Variants in XAB2 observed in about 807,000 individuals in gnomAD.
The protein encoded by XAB2 is XPA binding protein 2.
Under a neutral mutation model 113.4 loss-of-function variants are expected in XAB2, and 57 were observed. The ratio of observed to expected loss-of-function variants is 0.50; its 90% CI spans 0.41 to 0.63. The LOEUF is 0.63. Among genes scored for constraint, XAB2 ranks in the 20% least tolerant of loss-of-function variants. The probability of loss-of-function intolerance (pLI) is 0.00; values close to 1 mark genes in which losing one functional copy is unlikely to be tolerated. For missense variants in XAB2, 1,037 were observed against 1,233.3 expected, an observed-to-expected ratio of 0.84 and a Z score of 2.38; for synonymous variants, 497 against 498.8, an observed-to-expected ratio of 1.00 and a Z score of 0.05.
rs576624435 is a variant in XAB2, at chr19:7,625,680, T to C, written c.822+200A>G. On this transcript the variant is annotated intron_variant, in intron 6 of 18. Coordinates refer to ENST00000358368, the MANE Select transcript of XAB2 (RefSeq NM_020196.3). This position sits in a 1 kb window ranked among gnomAD's most constrained non-coding sequence, Gnocchi z 5.2. The stretch of plus-strand genomic sequence containing the variant: ...TTTTAGTAGTGATGGGGTTTCACCA[T>C]GTTGGCCAGGCTGGTCTTGAACTGC... Among the ~76,000 whole-genome samples, 5 of 152,218 alleles carry C rather than the reference T, an allele frequency of 3.3e-5. No individual in the cohort carries two copies. The highest frequency in any genetic ancestry group is 3.9e-4 in the East Asian group (2 of 5,170).
chr19:7,626,244 G>A lies in XAB2; in HGVS notation c.549C>T (p.Tyr183=), dbSNP rs1365200417. The change falls in exon 5 of 19, where the codon TAC becomes TAT. Residue 183 remains tyrosine, a synonymous_variant. Coordinates refer to ENST00000358368, the MANE Select transcript of XAB2 (RefSeq NM_020196.3). ...GGTCACTTGACTTGAGGTACTCAAT[G>A]TACTCCTCTGCACTCTCAGGACTCA... The part of the protein sequence containing the change: ...LKLSPESAEE[Y]IEYLKSSDRL... 10 of 1,612,932 alleles carry A rather than the reference G, an allele frequency of 6.2e-6. No homozygotes were observed. Among genetic ancestry groups the A allele is most frequent in the Non-Finnish European group, 8.5e-6 (10 of 1,180,014 alleles).
rs375894030 is a variant in XAB2, at chr19:7,625,886, G to A, written c.816C>T (p.Phe272=). ...LADYYIRSGH[F]EKARDVYEEA... ...CCCGTGTGCCAGCATGCACCTTCTC[G>A]AAATGGCCGCTGCGGATGTAGTAGT... The change falls in exon 6 of 19, where the codon TTC becomes TTT. Residue 272 remains phenylalanine, a synonymous_variant. Transcript: ENST00000358368. This position sits in a 1 kb window ranked among gnomAD's most constrained non-coding sequence, Gnocchi z 5.2. The A allele has an allele frequency of 5.0e-6, 8 of 1,603,832 alleles. No homozygotes were observed. Among genetic ancestry groups the A allele is most frequent in the South Asian group, 3.3e-5 (3 of 90,376 alleles).
chr19:7,628,439 T>A lies in XAB2; in HGVS notation c.52-141A>T, dbSNP rs1178350245. On this transcript the variant is annotated intron_variant, in intron 1 of 18. Transcript: ENST00000358368. The surrounding 1 kb of genome is among the most constrained non-coding windows in gnomAD (Gnocchi z 4.6). The stretch of plus-strand genomic sequence containing the variant: ...CCACCAAGGAAGTCAGGTCACCAGA[T>A]GCCCAGGCACCAAACCAGATGCCCG... 9.8e-7 allele frequency: 1 copy of A among 1,017,158 alleles called. No individual in the cohort carries two copies. The highest frequency in any genetic ancestry group is 1.4e-6 in the Non-Finnish European group (1 of 699,634). 63.0% of individuals were successfully genotyped at this position (1,017,158 alleles called of 1,614,324 possible). A position where few individuals can be genotyped will look rare whatever the true frequency, so the allele number is the denominator to read the frequency against.
Position 7,619,961 on chromosome 19 carries a change from T to C in XAB2, c.2381A>G (p.Lys794Arg), listed in dbSNP as rs1173617082. 6.2e-7 allele frequency: 1 copy of C among 1,611,728 alleles called. No homozygotes were observed. Among genetic ancestry groups the C allele is most frequent in the East Asian group, 2.2e-5 (1 of 44,886 alleles). ...ERDQPLRAQSKILFVRSDASR... is the reference protein window; with the variant it reads ...ERDQPLRAQSRILFVRSDASR... ...CCGCCCTCACCTCACGAACAGGATC[T>C]TGCTCTGGGCGCGCAAGGGCTGGTC... The change falls in exon 17 of 19, where the codon AAG (lysine) becomes AGG (arginine). Residue 794 changes from lysine to arginine, a missense_variant. Coordinates refer to ENST00000358368, the MANE Select transcript of XAB2 (RefSeq NM_020196.3).
Position 7,620,547 on chromosome 19 carries a change from C to T in XAB2, c.2094G>A (p.Arg698=). 6.2e-7 allele frequency: 1 copy of T among 1,613,366 alleles called. No homozygotes were observed. Residue 698 remains arginine (R), a splice_region_variant and synonymous_variant, in exon 15 of 19, where the codon CGG becomes CGA. Transcript: ENST00000358368. The part of the protein sequence containing the change: ...YSFCSQICDP[R]TTGAFWQTWK... ...TACCCGTCCCTCCCCACAGCCCTAC[C>T]CGGGGGTCACAGATCTGGGAGCAGA...
Position 7,622,398 on chromosome 19 carries a change from G to A in XAB2, c.1550C>T (p.Thr517Ile), listed in dbSNP as rs766310140. The change falls in exon 12 of 19, where the codon ACA becomes ATA. Residue 517 changes from threonine (T) to isoleucine (I), a missense_variant. By Grantham distance (89) the Thr-to-Ile change is moderately conservative (BLOSUM62 -1). Coordinates refer to ENST00000358368, the MANE Select transcript of XAB2 (RefSeq NM_020196.3). ...YDRILDLRIA[T>I]PQIVINYAMF... The stretch of plus-strand genomic sequence containing the variant: ...GGCATAGTTGATGACGATCTGGGGT[G>A]TTGCGATACGCAGGTCCAGGATGCG... 4 of 1,614,116 alleles carry A rather than the reference G, an allele frequency of 2.5e-6. No individual in the cohort carries two copies. Among genetic ancestry groups the A allele is most frequent in the Admixed American group, 3.3e-5 (2 of 60,006 alleles).
chr19:7,621,103 G>GCCCCCC (rs1416987488), intron 13 of XAB2, 32 bp downstream of exon 13: 1 of 732,870 alleles, frequency 1.4e-6, no homozygotes, highest in Non-Finnish European at 1.9e-6. Flanking sequence ...CAGCCCGCCC[G>GCCCCCC]CCACCCCCCC....
At position 7,626,064 on chromosome 19, in the gene XAB2, G is replaced by A. The variant is rs374938978; in HGVS notation, c.658-20C>T. 8.1e-6 allele frequency: 13 copies of A among 1,608,328 alleles called. No homozygotes were observed. Among genetic ancestry groups the A allele is most frequent in the South Asian group, 1.1e-5 (1 of 90,768 alleles). On this transcript the variant is annotated intron_variant, in intron 5 of 18. Transcript: ENST00000358368. ...CCACAGCTGCAGGGCATGGGGCAGTGGGGGAGAGTCTCAGGCTCAGTCATG... is the reference window on the plus strand; with the variant it reads ...CCACAGCTGCAGGGCATGGGGCAGTAGGGGAGAGTCTCAGGCTCAGTCATG...
rs761984442 is a variant in XAB2 at position 7,624,254 on chromosome 19, T to C, written c.967+47A>G. 22 of 1,607,070 alleles carry C rather than the reference T, an allele frequency of 1.4e-5. No homozygotes were observed. The highest frequency in any genetic ancestry group is 1.8e-5 in the Non-Finnish European group (21 of 1,179,780). ...AGATGTGTCCCGCCCCTACCGCTAA[T>C]GTCCACTCAGCTCTCTCCCCACCAG... On this transcript the variant is annotated intron_variant, in intron 7 of 18. Transcript: ENST00000358368. This position sits in a 1 kb window ranked among gnomAD's most constrained non-coding sequence, Gnocchi z 4.2.
chr19:7,619,951 G>A lies in XAB2; in HGVS notation c.2391C>T (p.Phe797=), dbSNP rs763833507. 2.2e-5 allele frequency: 36 copies of A among 1,611,142 alleles called. No homozygotes were observed. Among genetic ancestry groups the A allele is most frequent in the South Asian group, 2.2e-4 (20 of 91,066 alleles). The part of the protein sequence containing the change: ...QPLRAQSKIL[F]VRSDASREEL... ...GTCCAAGGATCCGCCCTCACCTCAC[G>A]AACAGGATCTTGCTCTGGGCGCGCA... is the stretch of plus-strand genomic sequence containing the variant. Residue 797 remains phenylalanine, a synonymous_variant, in exon 17 of 19, where the codon TTC becomes TTT. Transcript: ENST00000358368.
rs967049324 is a variant in XAB2 at position 7,625,438 on chromosome 19, G to A, written c.822+442C>T. Among the ~76,000 whole-genome samples the A allele has an allele frequency of 1.7e-4, 25 of 150,994 alleles. No individual in the cohort carries two copies. The highest frequency in any genetic ancestry group is 5.4e-4 in the African/African-American group (22 of 40,948). ...CCCCACCCTCAGCAGGATAGTAATC[G>A]TGTGCAGGGATATGCATGTCTGTCA... On this transcript the variant is annotated intron_variant, in intron 6 of 18. Transcript: ENST00000358368. The surrounding 1 kb of genome is among the most constrained non-coding windows in gnomAD (Gnocchi z 5.2).
At position 7,625,000 on chromosome 19, in the gene XAB2, G is replaced by A. The variant is rs773443914; in HGVS notation, c.823-555C>T. Among the ~76,000 whole-genome samples the A allele has an allele frequency of 3.8e-4, 58 of 152,326 alleles. No individual in the cohort carries two copies. Among genetic ancestry groups the A allele is most frequent in the African/African-American group, 1.2e-3 (50 of 41,586 alleles). ...CACGTGCCCCTGGAAGGGGCGCTGC[G>A]AAGCGCATACCGCCCACACCCCACT... On this transcript the variant is annotated intron_variant, in intron 6 of 18. Coordinates refer to ENST00000358368, the MANE Select transcript of XAB2 (RefSeq NM_020196.3). This position sits in a 1 kb window ranked among gnomAD's most constrained non-coding sequence, Gnocchi z 4.2.
At position 7,624,191 on chromosome 19, in the gene XAB2, C is replaced by A. The variant is rs905734030; in HGVS notation, c.967+110G>T. 79 of 1,541,560 alleles carry A rather than the reference C, an allele frequency of 5.1e-5. No individual in the cohort carries two copies. Among genetic ancestry groups the A allele is most frequent in the Admixed American group, 1.4e-4 (8 of 58,618 alleles). On this transcript the variant is annotated intron_variant, in intron 7 of 18. Transcript: ENST00000358368. This position sits in a 1 kb window ranked among gnomAD's most constrained non-coding sequence, Gnocchi z 4.2. Reference sequence around the variant, plus strand: ...TGCATCCACTCAGCCTCCTTCCCTGCTGGCCCCCAGCTGAGCCTCCCAGGG... The same window carrying A: ...TGCATCCACTCAGCCTCCTTCCCTGATGGCCCCCAGCTGAGCCTCCCAGGG...
chr19:7,624,585 C>T lies in XAB2; in HGVS notation c.823-140G>A. On this transcript the variant is annotated intron_variant, in intron 6 of 18. Coordinates refer to ENST00000358368, the MANE Select transcript of XAB2 (RefSeq NM_020196.3). This position sits in a 1 kb window ranked among gnomAD's most constrained non-coding sequence, Gnocchi z 4.2. ...ATCCAGCACCTCTGGGTAGTGACCC[C>T]AGGACAGAGCCTCCGTGGAGCCTTC... is the stretch of plus-strand genomic sequence containing the variant. 1 of 1,298,394 alleles carries T rather than the reference C, an allele frequency of 7.7e-7. No individual in the cohort carries two copies. Among genetic ancestry groups the T allele is most frequent in the South Asian group, 1.4e-5 (1 of 72,542 alleles). 80.4% of individuals were successfully genotyped at this position (1,298,394 alleles called of 1,614,324 possible).
Position 7,624,174 on chromosome 19 carries a change from C to T in XAB2, c.967+127G>A. On this transcript the variant is annotated intron_variant, in intron 7 of 18. Transcript: ENST00000358368. The surrounding 1 kb of genome is among the most constrained non-coding windows in gnomAD (Gnocchi z 4.2). The stretch of plus-strand genomic sequence containing the variant: ...AAGACCCCCACACCCCCTGCATCCA[C>T]TCAGCCTCCTTCCCTGCTGGCCCCC... 2.0e-6 allele frequency: 3 copies of T among 1,476,932 alleles called. No homozygotes were observed. The highest frequency in any genetic ancestry group is 2.8e-6 in the Non-Finnish European group (3 of 1,087,090). 91.5% of individuals were successfully genotyped at this position (1,476,932 alleles called of 1,614,324 possible). A position where few individuals can be genotyped will look rare whatever the true frequency, so the allele number is the denominator to read the frequency against.
chr19:7,624,889 C>A lies in XAB2; in HGVS notation c.823-444G>T, dbSNP rs2031107288. On this transcript the variant is annotated intron_variant, in intron 6 of 18. Coordinates refer to ENST00000358368, the MANE Select transcript of XAB2 (RefSeq NM_020196.3). This position sits in a 1 kb window ranked among gnomAD's most constrained non-coding sequence, Gnocchi z 4.2. Reference sequence around the variant, plus strand: ...TCTTCCCCAGCCCGCCTGTCCTCCACCTGGCTCGCCCACCCCAGCTCAGGT... The same window carrying A: ...TCTTCCCCAGCCCGCCTGTCCTCCAACTGGCTCGCCCACCCCAGCTCAGGT... 6.6e-6 allele frequency among the ~76,000 whole-genome samples: 1 copy of A among 152,310 alleles called. No individual in the cohort carries two copies. Among genetic ancestry groups the A allele is most frequent in the South Asian group, 2.1e-4 (1 of 4,824 alleles).
At chr19:7,629,309 G>A (rs1167846805) in intron 1 of XAB2, among the ~76,000 whole-genome samples, 168 bp downstream of exon 1, 1 of 152,192 alleles carries the variant, frequency 6.6e-6, no homozygotes, top group Non-Finnish European at 1.5e-5. Context: ...TTTACTCCTG[G>A]ACAGTTCGGT....
chr19:7,628,158 C>A lies in XAB2; in HGVS notation c.192G>T (p.Leu64=), dbSNP rs2031181682. 1 of 1,612,702 alleles carries A rather than the reference C, an allele frequency of 6.2e-7. No homozygotes were observed. The highest frequency in any genetic ancestry group is 8.5e-7 in the Non-Finnish European group (1 of 1,179,448). ...GCTGGAGCCATTCCCACCTGCAGGG[C>A]AGCAGCTTGAGTGCCCGCTCGTATA... is the stretch of plus-strand genomic sequence containing the variant. ...NQLYERALKL[L]PCSYKLWYRY... is the part of the protein sequence containing the mutation. Residue 64 remains leucine (L), a synonymous_variant, in exon 2 of 19, where the codon CTG becomes CTT. Coordinates refer to ENST00000358368, the MANE Select transcript of XAB2 (RefSeq NM_020196.3). The surrounding 1 kb of genome is among the most constrained non-coding windows in gnomAD (Gnocchi z 4.6).
chr19:7,625,230 C>T lies in XAB2; in HGVS notation c.822+650G>A, dbSNP rs191959481. Among the ~76,000 whole-genome samples the T allele has an allele frequency of 3.9e-5, 6 of 152,342 alleles. No individual in the cohort carries two copies. Among genetic ancestry groups the T allele is most frequent in the Middle Eastern group, 3.4e-3 (1 of 294 alleles). On this transcript the variant is annotated intron_variant, in intron 6 of 18. Coordinates refer to ENST00000358368, the MANE Select transcript of XAB2 (RefSeq NM_020196.3). The surrounding 1 kb of genome is among the most constrained non-coding windows in gnomAD (Gnocchi z 5.2). ...CCCTGAGGGAGTGGCCCTCACACCA[C>T]GTACCTCCTCAGTGCTGTGCCTGCG...
Sources: gnomAD v4.1 joint callset for allele counts (sites outside exome capture counted in the v4.1 genomes callset) on GRCh38, gnomAD v4.1.1 for gene constraint, Gnocchi (gnomAD v3.1) non-coding constraint, MANE v1.5 for transcripts, NCBI Gene and HGNC (gene_info 2026-07-23, HGNC 2026-07-21) for gene names.